The following BRD4 variants were observed in gnomAD, a reference collection of about 807,000 sequenced individuals.
BRD4 encodes the protein bromodomain containing 4, also known as bromodomain-containing protein 4.
In BRD4, 16 loss-of-function variants were observed where a neutral mutation model predicts 142.1. That is an observed-to-expected ratio of 0.11 (90% CI 0.08 to 0.17). The LOEUF (loss-of-function observed/expected upper bound fraction) is 0.17, where lower values mean the gene tolerates loss of function less well. BRD4 is among the 10% of genes least tolerant of loss of function. The probability of loss-of-function intolerance (pLI) is 1.00; values close to 1 mark genes in which losing one functional copy is unlikely to be tolerated. For missense variants in BRD4, 1,424 were observed against 1,810.9 expected (o/e 0.79, Z 3.88); for synonymous variants, 833 against 707.5 (o/e 1.18, Z -2.82).
At chr19:15,322,363 C>G (rs1443821841) in intron 1 of BRD4, among the ~76,000 whole-genome samples, 2 of 152,020 alleles carry the variant, frequency 1.3e-5, no homozygotes, top group African/African-American at 4.8e-5. Flanking sequence ...GCTCCGCCTC[C>G]CGGGTTCACG....
chr19:15,239,232 G>A lies in BRD4; in HGVS notation c.3609C>T (p.Ala1203=), dbSNP rs1210485633. 2 of 1,613,034 alleles carry A rather than the reference G, an allele frequency of 1.2e-6. No individual in the cohort carries two copies. The highest frequency in any genetic ancestry group is 2.7e-5 in the African/African-American group (2 of 74,922). The change falls in exon 18 of 20, where the codon GCC becomes GCT. Residue 1203 remains alanine (A), a synonymous_variant. Coordinates refer to ENST00000679869, the MANE Select transcript of BRD4 (RefSeq NM_001379291.1). This position sits in a 1 kb window ranked among gnomAD's most constrained non-coding sequence, Gnocchi z 7.4. ...TGGTCGGATGCTTCTGCACTAGGCT[G>A]GCCCAGGAGCCCATGTTCTTGATTT... ...DLKIKNMGSW[A]SLVQKHPTTP... is the part of the protein sequence containing the mutation.
In BRD4 at chr19:15,244,456, G is replaced by C; in HGVS notation, c.2356C>G (p.Pro786Ala). ...PPPPPPPPSMPQQAAPAMKSS... is the reference protein window; with the variant it reads ...PPPPPPPPSMAQQAAPAMKSS... ...TTCATCGCCGGGGCTGCCTGCTGCG[G>C]CATGGAGGGTGGGGGAGGCGGGGGT... Residue 786 changes from proline (P) to alanine (A), a missense_variant, in exon 13 of 20, where the codon CCG becomes GCG. Coordinates refer to ENST00000679869, the MANE Select transcript of BRD4 (RefSeq NM_001379291.1). 1 of 1,346,316 alleles carries C rather than the reference G, an allele frequency of 7.4e-7. No individual in the cohort carries two copies. The allele number at this position is 1,346,316 out of a possible 1,614,324, so 83.4% of individuals were successfully genotyped here. A position where few individuals can be genotyped will look rare whatever the true frequency, so the allele number is the denominator to read the frequency against.
At chr19:15,249,473 C>T (rs1045423906) in intron 11 of BRD4, among the ~76,000 whole-genome samples, 3 of 152,154 alleles carry the variant, frequency 2.0e-5, no homozygotes, top group African/African-American at 7.2e-5. Context: ...TAGGGACAGA[C>T]CCACCGCCCG....
chr19:15,255,574 GGGCGCT>G lies in BRD4; in HGVS notation c.1764_1769del (p.Ala589_Pro590del). The G allele has an allele frequency of 6.2e-7, 1 of 1,607,314 alleles. No individual in the cohort carries two copies. Among genetic ancestry groups the G allele is most frequent in the South Asian group, 1.1e-5 (1 of 90,960 alleles). On this transcript the variant is annotated inframe_deletion, in exon 10 of 20. Transcript: ENST00000679869. ...ACGTGGGAGGGGGCTTGCTCTTCAT[GGGCGCT>G]GGCTCCTTCTTGCTACGAAGGGACG...
rs576555444 is a variant in BRD4, at chr19:15,251,319, G to A, written c.2158+2833C>T. On this transcript the variant is annotated intron_variant, in intron 11 of 19. Coordinates refer to ENST00000679869, the MANE Select transcript of BRD4 (RefSeq NM_001379291.1). ...CAGCCTCAATCTAGTGACTCCATTC[G>A]TTTTCTTCTGGTGATTCATGTCTCA... Among the ~76,000 whole-genome samples, 19 of 150,866 alleles carry A rather than the reference G, an allele frequency of 1.3e-4. No homozygotes were observed. In the South Asian group the frequency reaches 3.3e-3, roughly 26 times the overall value.
Position 15,239,365 on chromosome 19 carries a change from G to A in BRD4, c.3576+27C>T, listed in dbSNP as rs376929445. The A allele has an allele frequency of 1.1e-5, 17 of 1,614,088 alleles. No individual in the cohort carries two copies. The highest frequency in any genetic ancestry group is 1.7e-5 in the Admixed American group (1 of 60,010). On this transcript the variant is annotated intron_variant, in intron 17 of 19. Coordinates refer to ENST00000679869, the MANE Select transcript of BRD4 (RefSeq NM_001379291.1). This position sits in a 1 kb window ranked among gnomAD's most constrained non-coding sequence, Gnocchi z 7.4. The stretch of plus-strand genomic sequence containing the variant: ...GGCACCTTCCAGGGCCAAGGGGCAA[G>A]CGACACCCATGGACCTCCATCCCAA...
rs566692816 is a variant in BRD4 at position 15,261,164 on chromosome 19, G to A, written c.1341+2256C>T. Among the ~76,000 whole-genome samples the A allele has an allele frequency of 9.2e-5, 14 of 152,296 alleles. No homozygotes were observed. The South Asian group carries it at 2.1e-3, about 23-fold the overall frequency. On this transcript the variant is annotated intron_variant, in intron 7 of 19. Coordinates refer to ENST00000679869, the MANE Select transcript of BRD4 (RefSeq NM_001379291.1). Reference sequence around the variant, plus strand: ...CCAATCTGAGGGCGCCACTGCCACCGGGTGGCCCTGAACAAAAACTGCATT... The same window carrying A: ...CCAATCTGAGGGCGCCACTGCCACCAGGTGGCCCTGAACAAAAACTGCATT...
In BRD4 at chr19:15,264,486, T is replaced by C; in HGVS notation, c.1130A>G (p.Tyr377Cys). The C allele has an allele frequency of 1.2e-6, 2 of 1,614,112 alleles. No homozygotes were observed. Among genetic ancestry groups the C allele is most frequent in the Non-Finnish European group, 1.7e-6 (2 of 1,180,018 alleles). ...CAGTGCCTCCACGTCCACAGGCTTG[T>C]AGAAGGGCCAGGCGTAGGCGGCGTG... Reference protein sequence around the residue: ...KKHAAYAWPFYKPVDVEALGL... With the variant: ...KKHAAYAWPFCKPVDVEALGL... Residue 377 changes from tyrosine to cysteine, a missense_variant, in exon 6 of 20, where the codon TAC becomes TGC. By Grantham distance (194) the Tyr-to-Cys change is radical (BLOSUM62 -2). Coordinates refer to ENST00000679869, the MANE Select transcript of BRD4 (RefSeq NM_001379291.1).
At chr19:15,252,696 G>T (rs140944697) in intron 11 of BRD4, among the ~76,000 whole-genome samples, 92 of 152,344 alleles carry the variant, frequency 6.0e-4, no homozygotes, top group Non-Finnish European at 1.1e-3. Context: ...TGGCGACAGG[G>T]AAGGCCAGGA....
intron 1 of BRD4, among the ~76,000 whole-genome samples, chr19:15,313,608 G>C (rs892260274): frequency 6.6e-6 from 1 of 151,902 alleles, no homozygotes; most frequent in South Asian, 2.1e-4. Flanking sequence ...CCCGGCAGGC[G>C]GAGGTTGCAG....
Position 15,268,971 on chromosome 19 carries a change from G to A in BRD4, c.357C>T (p.Tyr119=), listed in dbSNP as rs200518045. The part of the protein sequence containing the change: ...TIKKRLENNY[Y]WNAQECIQDF... ...CCTGGATACATTCCTGAGCATTCCA[G>A]TAATAGTTGTTTTCCAAGCGCTTCT... Residue 119 remains tyrosine (Y), a synonymous_variant, in exon 3 of 20, where the codon TAC becomes TAT. Coordinates refer to ENST00000679869, the MANE Select transcript of BRD4 (RefSeq NM_001379291.1). 2 of 1,614,196 alleles carry A rather than the reference G, an allele frequency of 1.2e-6. No individual in the cohort carries two copies. The highest frequency in any genetic ancestry group is 1.1e-5 in the South Asian group (1 of 91,090).
At chr19:15,326,640 A>T (rs909488317) in intron 1 of BRD4, among the ~76,000 whole-genome samples, 5 of 152,180 alleles carry the variant, frequency 3.3e-5, no homozygotes, top group African/African-American at 1.2e-4. Flanking sequence ...AATTCCTTAA[A>T]ATGACCATGC....
chr19:15,316,155 CAAAAAAAAAAAAAAA>C (rs980486654), intron 1 of BRD4, among the ~76,000 whole-genome samples: 19 of 33,068 alleles, frequency 5.7e-4, no homozygotes, highest in African/African-American at 2.1e-3. Context: ...GACACCGTCT[CAAAAAAAAAAAAAAA>C]AAAAAAAAAA....
chr19:15,260,938 G>A (rs533294462), intron 7 of BRD4, among the ~76,000 whole-genome samples: 47 of 152,326 alleles, frequency 3.1e-4, no homozygotes, highest in Admixed American at 4.6e-4. Context: ...ACACATCAGA[G>A]GGTGCTTTTT....
intron 7 of BRD4, among the ~76,000 whole-genome samples, chr19:15,261,812 C>G (rs993104642): frequency 1.3e-5 from 2 of 152,114 alleles, no homozygotes; most frequent in Non-Finnish European, 2.9e-5. Context: ...TGGTGGCACA[C>G]GCTTGCTGTC....
chr19:15,253,455 A>G, intron 11 of BRD4: 1 of 1,190,232 alleles, frequency 8.4e-7, no homozygotes, highest in Non-Finnish European at 1.2e-6. Context: ...TGGGGAACCC[A>G]GGGTCCAACG....
At chr19:15,255,676 G>A (rs1036573593) in intron 9 of BRD4, 84 bp from the exon 10 acceptor site, 2 of 1,485,868 alleles carry the variant, frequency 1.3e-6, no homozygotes, top group Non-Finnish European at 1.8e-6. Context: ...ATGTTGGGGG[G>A]AAGGGGTGCC....
At chr19:15,329,553 A>G (rs1030548467) in intron 1 of BRD4, among the ~76,000 whole-genome samples, 11 of 152,174 alleles carry the variant, frequency 7.2e-5, no homozygotes, top group South Asian at 6.2e-4. Context: ...ATACTGGCCA[A>G]TATGATGAAA....
chr19:15,239,814 C>T lies in BRD4; in HGVS notation c.3290G>A (p.Arg1097His), dbSNP rs35676845. 0.014 allele frequency: 22,502 copies of T among 1,613,654 alleles called. 239 individuals carry two copies. Among genetic ancestry groups the T allele is most frequent in the Non-Finnish European group, 0.016 (18,632 of 1,179,918 alleles). ...QNVQPKKQEL[R>H]AASVVQPQPL... is the part of the protein sequence containing the mutation. ...CTGGGGCTGGACCACGGAGGCAGCACGCAGCTCCTGGGATGGCACAGGCAC... is the reference window on the plus strand; with the variant it reads ...CTGGGGCTGGACCACGGAGGCAGCATGCAGCTCCTGGGATGGCACAGGCAC... The change falls in exon 16 of 20, where the codon CGT becomes CAT. Residue 1097 changes from arginine (R) to histidine (H), a missense_variant. Physicochemically the swap from Arg to His is conservative, Grantham distance 29. Transcript: ENST00000679869. This position sits in a 1 kb window ranked among gnomAD's most constrained non-coding sequence, Gnocchi z 7.4.
Sources: gnomAD v4.1 joint callset for allele counts (sites outside exome capture counted in the v4.1 genomes callset) on GRCh38, gnomAD v4.1.1 for gene constraint, Gnocchi (gnomAD v3.1) non-coding constraint, MANE v1.5 for transcripts, NCBI Gene and HGNC (gene_info 2026-07-23, HGNC 2026-07-21) for gene names.